The following DACH2 variants were observed in gnomAD, a reference collection of about 807,000 sequenced individuals.
The protein encoded by DACH2 is dachshund family transcription factor 2, also known as dachshund homolog 2.
DACH2 carries 17 observed loss-of-function variants against 35.8 expected under a neutral mutation model. The ratio of observed to expected loss-of-function variants is 0.48; its 90% CI spans 0.33 to 0.71. The LOEUF is 0.71. DACH2 is among the 30% of genes least tolerant of loss of function. The probability of loss-of-function intolerance (pLI) is 0.02; values close to 1 mark genes in which losing one functional copy is unlikely to be tolerated. For missense variants in DACH2, 469 were observed against 472.7 expected, an observed-to-expected ratio of 0.99 and a Z score of 0.07; for synonymous variants, 195 against 177.3, an observed-to-expected ratio of 1.10 and a Z score of -0.79.
intron 3 of DACH2, among the ~76,000 whole-genome samples, chrX:86,639,197 A>C (rs1424102560): frequency 9.0e-6 from 1 of 111,708 alleles, no homozygotes; most frequent in Non-Finnish European, 1.9e-5. Context: ...CCAGGAAACA[A>C]CTTGACCCAC....
intron 3 of DACH2, among the ~76,000 whole-genome samples, chrX:86,517,945 G>A (rs2038495795): frequency 9.0e-6 from 1 of 111,420 alleles, no homozygotes; most frequent in Admixed American, 9.6e-5. Flanking sequence ...GATTGCTTTT[G>A]GTGTCTATGT....
At chrX:86,364,368 C>T (rs963586794) in intron 1 of DACH2, among the ~76,000 whole-genome samples, 1 of 64,597 alleles carries the variant, frequency 1.5e-5, no homozygotes, top group Non-Finnish European at 3.2e-5. Flanking sequence ...GACCAAGAGC[C>T]TCACAAATAA....
chrX:86,486,683 A>G (rs1187540669), intron 2 of DACH2, among the ~76,000 whole-genome samples: 1 of 111,578 alleles, frequency 9.0e-6, no homozygotes, highest in Non-Finnish European at 1.9e-5. Flanking sequence ...TGAAAAATCA[A>G]CTCATACAAT....
chrX:86,280,144 A>G (rs1187023577), intron 1 of DACH2, among the ~76,000 whole-genome samples: 1 of 110,902 alleles, frequency 9.0e-6, no homozygotes, highest in Non-Finnish European at 1.9e-5. Context: ...CCCAAGACAC[A>G]TAATTGTCAG....
intron 1 of DACH2, among the ~76,000 whole-genome samples, chrX:86,180,175 C>CATATATATATATATATATATATATATAT (rs1569292909): frequency 2.6e-4 from 4 of 15,592 alleles, no homozygotes; most frequent in African/African-American, 9.6e-4. Flanking sequence ...CATGCTAAAC[C>CATATATATATATATATATATATATATAT]GTATATATAT....
At chrX:86,702,627 T>C (rs1187245775) in intron 5 of DACH2, among the ~76,000 whole-genome samples, 2 of 111,457 alleles carry the variant, frequency 1.8e-5, no homozygotes, top group Non-Finnish European at 3.8e-5. Context: ...CAAAAGATTA[T>C]TTGAGACTAC....
intron 2 of DACH2, among the ~76,000 whole-genome samples, chrX:86,431,595 A>G (rs1327344261): frequency 8.9e-6 from 1 of 111,796 alleles, no homozygotes; most frequent in Non-Finnish European, 1.9e-5. Flanking sequence ...CGAATGGCAT[A>G]CATAGAATGA....
chrX:86,154,656 C>A (rs1198066660), intron 1 of DACH2, among the ~76,000 whole-genome samples: 1 of 111,313 alleles, frequency 9.0e-6, no homozygotes, highest in East Asian at 2.8e-4. Context: ...TTAATTTCAC[C>A]AAGCGGCTCT....
chrX:86,659,272 A>T (rs756138909), intron 4 of DACH2, among the ~76,000 whole-genome samples: 5 of 110,694 alleles, frequency 4.5e-5, no homozygotes, highest in Middle Eastern at 4.7e-3. Context: ...AGCCAGAAGG[A>T]ACTATTGTTT....
chrX:86,148,607 G>A lies in DACH2; in HGVS notation c.-14G>A, dbSNP rs2030238434. 1 of 1,151,313 alleles carries A rather than the reference G, an allele frequency of 8.7e-7. No homozygotes were observed. Among genetic ancestry groups the A allele is most frequent in the East Asian group, 3.2e-5 (1 of 30,860 alleles). 94.9% of individuals were successfully genotyped at this position (1,151,313 alleles called of 1,213,427 possible). Reference sequence around the variant, plus strand: ...AGCGAGGGCCGGAGGACCCACGATAGAGACAGAGTGACCATGGCTGTCTCC... The same window carrying A: ...AGCGAGGGCCGGAGGACCCACGATAAAGACAGAGTGACCATGGCTGTCTCC... On this transcript the variant is annotated 5_prime_UTR_variant, in exon 1 of 12. Coordinates refer to ENST00000373125, the MANE Select transcript of DACH2 (RefSeq NM_053281.3).
intron 7 of DACH2, among the ~76,000 whole-genome samples, chrX:86,783,195 G>A (rs928681945): frequency 8.9e-6 from 1 of 111,982 alleles, no homozygotes; most frequent in Non-Finnish European, 1.9e-5. Flanking sequence ...TCAGAGAAAT[G>A]CAAATCAAAA....
intron 1 of DACH2, among the ~76,000 whole-genome samples, chrX:86,310,587 G>A (rs2034779951): frequency 8.9e-6 from 1 of 112,073 alleles, no homozygotes; most frequent in African/African-American, 3.2e-5. Flanking sequence ...AGAACTTTGA[G>A]CAGTGCACCT....
chrX:86,193,216 A>T (rs947698700), intron 1 of DACH2, among the ~76,000 whole-genome samples: 1 of 111,911 alleles, frequency 8.9e-6, no homozygotes, highest in African/African-American at 3.2e-5. Context: ...ACTTAAGCCC[A>T]TGCAGTTTTC....
At chrX:86,787,332 C>G (rs997614333) in intron 7 of DACH2, among the ~76,000 whole-genome samples, 3 of 111,570 alleles carry the variant, frequency 2.7e-5, no homozygotes, top group African/African-American at 9.8e-5. Flanking sequence ...GAAAATGAAA[C>G]AGCACATCCA....
chrX:86,690,289 C>A (rs773034690), intron 4 of DACH2, among the ~76,000 whole-genome samples: 1 of 111,701 alleles, frequency 9.0e-6, no homozygotes, highest in Non-Finnish European at 1.9e-5. Context: ...TCATAATGAT[C>A]TTTGCTATTG....
intron 7 of DACH2, among the ~76,000 whole-genome samples, chrX:86,776,409 G>A (rs2042032303): frequency 1.8e-5 from 2 of 111,296 alleles, no homozygotes; most frequent in African/African-American, 3.3e-5. Flanking sequence ...TGGAGATTAC[G>A]GCTTCAACAT....
At chrX:86,195,379 C>T (rs1444087094) in intron 1 of DACH2, among the ~76,000 whole-genome samples, 1 of 111,600 alleles carries the variant, frequency 9.0e-6, no homozygotes, top group African/African-American at 3.3e-5. Context: ...CTGAGTTACT[C>T]TGCCTGTGGC....
Position 86,479,577 on chromosome X carries a change from C to T in DACH2, c.528-34702C>T, listed in dbSNP as rs186104192. Among the ~76,000 whole-genome samples the T allele has an allele frequency of 8.1e-5, 9 of 111,686 alleles. No homozygotes were observed. The East Asian group carries it at 1.4e-3, about 18-fold the overall frequency. On this transcript the variant is annotated intron_variant, in intron 2 of 11. Coordinates refer to ENST00000373125, the MANE Select transcript of DACH2 (RefSeq NM_053281.3). ...ATAAATTTTCTTTCCTTATGTTTTT[C>T]GCTATCTTCTTTTTAAGCCAATAAC...
At chrX:86,518,267 G>T (rs1422905162) in intron 3 of DACH2, among the ~76,000 whole-genome samples, 5 of 112,011 alleles carry the variant, frequency 4.5e-5, no homozygotes, top group African/African-American at 1.6e-4. Flanking sequence ...GCCTGTTTTT[G>T]TATGAATACA....
Sources: allele counts gnomAD v4.1 joint callset (sites outside exome capture counted in the v4.1 genomes callset), GRCh38; gene constraint gnomAD v4.1.1; transcripts MANE v1.5; gene names NCBI Gene and HGNC (gene_info 2026-07-23, HGNC 2026-07-21).